The following DLG1 variants were observed in gnomAD, a reference collection of about 807,000 sequenced individuals.
DLG1 encodes the protein disks large homolog 1.
In DLG1, 42 loss-of-function variants were observed where a neutral mutation model predicts 123.4. That is an observed-to-expected ratio of 0.34 (90% confidence interval 0.27 to 0.44). DLG1 has a LOEUF of 0.44. Ranked by LOEUF, DLG1 falls within the 20% of genes least tolerant of loss-of-function variation. DLG1 has a pLI of 1.00. For missense variants in DLG1, 942 were observed against 1,082.6 expected (o/e 0.87, Z 1.82); for synonymous variants, 317 against 356.2 (o/e 0.89, Z 1.24).
chr3:197,265,967 T>C (rs550215685), intron 4 of DLG1, among the ~76,000 whole-genome samples: 189 of 152,256 alleles, frequency 1.2e-3, no homozygotes, highest in African/African-American at 4.2e-3. Flanking sequence ...GGAGAATCAC[T>C]TGAACCCAGG....
intron 11 of DLG1, among the ~76,000 whole-genome samples, chr3:197,121,968 G>A (rs1179629487): frequency 2.0e-5 from 3 of 151,916 alleles, no homozygotes; most frequent in Non-Finnish European, 4.4e-5. Context: ...CAGACAGATA[G>A]ATAGCTTCAT....
At position 197,211,374 on chromosome 3, in the gene DLG1, T is replaced by C. The variant is rs189848641; in HGVS notation, c.319-16785A>G. Among the ~76,000 whole-genome samples, 38 of 146,604 alleles carry C rather than the reference T, an allele frequency of 2.6e-4. 6 individuals carry two copies. Among genetic ancestry groups the C allele is most frequent in the Admixed American group, 2.7e-4 (4 of 14,592 alleles). ...CTTCAGGCCCATATCTTGATGAACATTGATGCAAAAATCCTCAACAAAATA... is the reference window on the plus strand; with the variant it reads ...CTTCAGGCCCATATCTTGATGAACACTGATGCAAAAATCCTCAACAAAATA... On this transcript the variant is annotated intron_variant, in intron 4 of 24. Transcript: ENST00000667157.
chr3:197,147,432 GCACACACA>G (rs67643945), intron 6 of DLG1, among the ~76,000 whole-genome samples: 27,238 of 147,084 alleles, frequency 0.19, 2,744 homozygotes, highest in African/African-American at 0.28. Context: ...TATATGGTGT[GCACACACA>G]CACACACACA....
At chr3:197,075,954 C>T (rs888586404) in intron 18 of DLG1, 3 of 1,135,740 alleles carry the variant, frequency 2.6e-6, no homozygotes, top group African/African-American at 3.1e-5. Context: ...ATTGGTGCTA[C>T]AGTAAGAGAC....
chr3:197,058,033 C>A (rs1032321107), intron 23 of DLG1, among the ~76,000 whole-genome samples: 4 of 151,386 alleles, frequency 2.6e-5, no homozygotes, highest in African/African-American at 9.7e-5. Context: ...GGCTGGAGTG[C>A]AGTGGCAAGA....
At chr3:197,073,350 C>T (rs1745253458) in intron 18 of DLG1, among the ~76,000 whole-genome samples, 1 of 152,114 alleles carries the variant, frequency 6.6e-6, no homozygotes, top group Non-Finnish European at 1.5e-5. Flanking sequence ...AAGAACAAAC[C>T]TTGTCTCAAA....
intron 13 of DLG1, 146 bp downstream of exon 13, chr3:197,115,781 C>T (rs923319261): frequency 7.8e-6 from 6 of 770,092 alleles, no homozygotes; most frequent in Middle Eastern, 2.4e-4. Flanking sequence ...TTCTCTGACA[C>T]TACAATTCTA....
At chr3:197,243,319 G>A (rs1376013162) in intron 4 of DLG1, among the ~76,000 whole-genome samples, 1 of 152,156 alleles carries the variant, frequency 6.6e-6, no homozygotes, top group Non-Finnish European at 1.5e-5. Flanking sequence ...TTAAAGGCAG[G>A]AAAAACTACT....
intron 4 of DLG1, among the ~76,000 whole-genome samples, chr3:197,258,945 A>G (rs1215161855): frequency 6.6e-6 from 1 of 152,186 alleles, no homozygotes; most frequent in East Asian, 1.9e-4. Flanking sequence ...TAAATACTTT[A>G]GGATAATGAT....
At chr3:197,094,101 T>C (rs1285215572) in intron 14 of DLG1, among the ~76,000 whole-genome samples, 2 of 152,122 alleles carry the variant, frequency 1.3e-5, no homozygotes, top group African/African-American at 2.4e-5. Flanking sequence ...CCCAAACTTC[T>C]AGCCAGTACC....
chr3:197,072,142 TA>T (rs1744334142), intron 18 of DLG1, among the ~76,000 whole-genome samples: 1 of 152,218 alleles, frequency 6.6e-6, no homozygotes, highest in African/African-American at 2.4e-5. Flanking sequence ...ATAGTATGGA[TA>T]AATCATACTT....
At chr3:197,295,234 T>C (rs972499479) in intron 3 of DLG1, among the ~76,000 whole-genome samples, 9 of 152,184 alleles carry the variant, frequency 5.9e-5, no homozygotes, top group South Asian at 2.1e-4. Flanking sequence ...TTTTTCAAAA[T>C]TGTTCAGGTG....
chr3:197,218,849 C>T (rs1424485787), intron 4 of DLG1, among the ~76,000 whole-genome samples: 2 of 152,166 alleles, frequency 1.3e-5, no homozygotes, highest in Non-Finnish European at 2.9e-5. Context: ...AATTAAAACT[C>T]GGCCGGGTGC....
intron 4 of DLG1, among the ~76,000 whole-genome samples, chr3:197,222,188 T>C (rs1161785515): frequency 6.6e-6 from 1 of 152,172 alleles, no homozygotes; most frequent in Non-Finnish European, 1.5e-5. Context: ...AACTCTCCCT[T>C]ACTACTAGGA....
At chr3:197,165,454 A>G (rs1800940061) in intron 5 of DLG1, among the ~76,000 whole-genome samples, 1 of 152,222 alleles carries the variant, frequency 6.6e-6, no homozygotes, top group African/African-American at 2.4e-5. Context: ...CTTGCACAAC[A>G]CTGTGAATGT....
chr3:197,080,202 G>A (rs115152618), intron 17 of DLG1, among the ~76,000 whole-genome samples: 202 of 148,638 alleles, frequency 1.4e-3, no homozygotes, highest in Admixed American at 2.7e-3. Context: ...GCAAGCAGAA[G>A]GACTTAAAGT....
chr3:197,241,436 T>C (rs995438978), intron 4 of DLG1, among the ~76,000 whole-genome samples: 3 of 152,002 alleles, frequency 2.0e-5, no homozygotes, highest in Non-Finnish European at 4.4e-5. Context: ...AAAAAAACAC[T>C]ACCATGAAAA....
intron 22 of DLG1, among the ~76,000 whole-genome samples, chr3:197,063,582 T>C (rs1737350654): frequency 1.3e-5 from 2 of 152,230 alleles, no homozygotes; most frequent in African/African-American, 4.8e-5. Flanking sequence ...TTTAGAGAAC[T>C]TCATTTTGTG....
chr3:197,290,616 AAAGT>A (rs1412948221), intron 3 of DLG1, among the ~76,000 whole-genome samples: 36 of 152,326 alleles, frequency 2.4e-4, no homozygotes, highest in African/African-American at 8.7e-4. Context: ...ATATTAAAAA[AAAGT>A]AAGAGTGGAA....
Sources: gnomAD v4.1 joint callset for allele counts (sites outside exome capture counted in the v4.1 genomes callset) on GRCh38, gnomAD v4.1.1 for gene constraint, MANE v1.5 for transcripts, NCBI Gene and HGNC (gene_info 2026-07-23, HGNC 2026-07-21) for gene names.